PDE11A: variants seen among roughly 807,000 people sequenced by gnomAD.
PDE11A encodes the protein phosphodiesterase 11A.
A neutral mutation model predicts 100.5 loss-of-function variants in PDE11A; 100 were observed. The ratio of observed to expected loss-of-function variants is 1.00; its 90% CI spans 0.85 to 1.18. The LOEUF (loss-of-function observed/expected upper bound fraction) is 1.18, where lower values mean the gene tolerates loss of function less well. Ranked by LOEUF, PDE11A falls within the 50% of genes most tolerant of loss-of-function variation. PDE11A has a pLI of 0.00. For missense variants in PDE11A, 1,141 were observed against 1,152.6 expected (o/e 0.99, Z 0.15); for synonymous variants, 381 against 420.8 (o/e 0.91, Z 1.16).
chr2:177,695,577 T>C (rs1253618510), intron 15 of PDE11A, among the ~76,000 whole-genome samples: 1 of 152,184 alleles, frequency 6.6e-6, no homozygotes, highest in Non-Finnish European at 1.5e-5. Context: ...ATCCAGAGAC[T>C]GGTTCCACTT....
In PDE11A at chr2:177,929,790, C is replaced by T. The variant is rs558117209; in HGVS notation, c.1072-24603G>A. Among the ~76,000 whole-genome samples, 10 of 152,298 alleles carry T rather than the reference C, an allele frequency of 6.6e-5. No individual in the cohort carries two copies. In the South Asian group the frequency reaches 2.1e-3, roughly 32 times the overall value. On this transcript the variant is annotated intron_variant, in intron 2 of 19. Transcript: ENST00000286063. Reference sequence around the variant, plus strand: ...CAAGCTCACAGCACAGAAATCATAGCCCACCATGTTGCTTTTCTTTCAGTC... The same window carrying T: ...CAAGCTCACAGCACAGAAATCATAGTCCACCATGTTGCTTTTCTTTCAGTC...
intron 7 of PDE11A, among the ~76,000 whole-genome samples, chr2:177,819,775 G>A (rs1421334999): frequency 6.6e-6 from 1 of 151,896 alleles, no homozygotes; most frequent in Admixed American, 6.6e-5. Context: ...AAGAAAGTCT[G>A]CACTAGGAGT....
At chr2:178,005,109 T>G (rs531638929) in intron 2 of PDE11A, among the ~76,000 whole-genome samples, 3 of 149,530 alleles carry the variant, frequency 2.0e-5, no homozygotes, top group South Asian at 2.2e-4. Flanking sequence ...CTGAGTTGAG[T>G]CCCCTTTACT....
At position 178,104,336 on chromosome 2, in the gene PDE11A, T is replaced by C. The variant is rs551531815; in HGVS notation, c.128A>G (p.Gln43Arg). Residue 43 changes from glutamine to arginine, a missense_variant, in exon 2 of 21, where the codon CAG (glutamine) becomes CGG (arginine). Coordinates refer to the PDE11A transcript ENST00000358450. ...TGTTTGCCTCTGTATAAGAAAATCC[T>C]GGTGCTTTTCCTGTTTTTCAGCCAA... 1.7e-5 allele frequency: 27 copies of C among 1,614,166 alleles called. No individual in the cohort carries two copies. The East Asian group carries it at 5.8e-4, about 35-fold the overall frequency.
intron 19 of PDE11A, among the ~76,000 whole-genome samples, chr2:177,653,973 C>T (rs1559127724): frequency 6.6e-6 from 1 of 152,176 alleles, no homozygotes; most frequent in Non-Finnish European, 1.5e-5. Context: ...GAGATTACTT[C>T]CTTCTTAGCT....
chr2:177,777,681 A>C (rs2082397127), intron 9 of PDE11A, among the ~76,000 whole-genome samples: 1 of 152,244 alleles, frequency 6.6e-6, no homozygotes, highest in Non-Finnish European at 1.5e-5. Context: ...TTTTGAAGAA[A>C]GAGGCATTTG....
intron 19 of PDE11A, among the ~76,000 whole-genome samples, chr2:177,641,670 C>T (rs1318052718): frequency 6.6e-6 from 1 of 152,128 alleles, no homozygotes; most frequent in Non-Finnish European, 1.5e-5. Context: ...AGAAGGCTTC[C>T]AGCAGTTTTT....
intron 2 of PDE11A, among the ~76,000 whole-genome samples, chr2:177,932,152 G>A (rs895527095): frequency 6.6e-6 from 1 of 152,056 alleles, no homozygotes; most frequent in African/African-American, 2.4e-5. Flanking sequence ...ATCAATATCT[G>A]AGATAGAATC....
At chr2:177,957,960 G>A (rs986768382) in intron 2 of PDE11A, among the ~76,000 whole-genome samples, 1 of 128,248 alleles carries the variant, frequency 7.8e-6, no homozygotes, top group Admixed American at 8.6e-5. Context: ...GAGTGCAGTG[G>A]CGCAATCTTG....
intron 10 of PDE11A, among the ~76,000 whole-genome samples, chr2:177,753,290 T>A (rs900236405): frequency 1.3e-5 from 2 of 152,204 alleles, no homozygotes; most frequent in Non-Finnish European, 2.9e-5. Context: ...TTTTATGACA[T>A]GTTCTTTTCA....
At chr2:178,106,104 T>C (rs1432631892) in intron 1 of PDE11A, among the ~76,000 whole-genome samples, 2 of 152,240 alleles carry the variant, frequency 1.3e-5, no homozygotes, top group East Asian at 3.8e-4. Context: ...TGAAGAAACC[T>C]ATTGTTTAAC....
intron 4 of PDE11A, among the ~76,000 whole-genome samples, chr2:177,889,778 T>C (rs575194594): frequency 4.6e-5 from 7 of 152,242 alleles, no homozygotes; most frequent in African/African-American, 1.7e-4. Context: ...ATTTATTCCT[T>C]AAGCTTTTGT....
intron 1 of PDE11A, among the ~76,000 whole-genome samples, chr2:178,024,322 G>A (rs897363029): frequency 6.6e-6 from 1 of 152,180 alleles, no homozygotes; most frequent in African/African-American, 2.4e-5. Context: ...CGAGGCAGGA[G>A]AATTGCTTGG....
intron 9 of PDE11A, among the ~76,000 whole-genome samples, chr2:177,780,915 C>A (rs370821967): frequency 6.0e-4 from 91 of 152,316 alleles, no homozygotes; most frequent in African/African-American, 2.0e-3. Context: ...GTTTCACTTT[C>A]TTATTATTCA....
chr2:177,921,471 CAAAAA>C (rs370144102), intron 2 of PDE11A, among the ~76,000 whole-genome samples: 6 of 98,448 alleles, frequency 6.1e-5, no homozygotes, highest in Non-Finnish European at 1.3e-4. Context: ...CATCTAAAAG[CAAAAA>C]AAAAAAAAGA....
At chr2:177,768,293 T>C (rs1370182744) in intron 10 of PDE11A, among the ~76,000 whole-genome samples, 1 of 152,190 alleles carries the variant, frequency 6.6e-6, no homozygotes, top group Non-Finnish European at 1.5e-5. Flanking sequence ...AACATCTTCC[T>C]TTGCTCCCTT....
intron 2 of PDE11A, among the ~76,000 whole-genome samples, chr2:177,961,412 C>G (rs1002086405): frequency 1.3e-5 from 2 of 152,146 alleles, no homozygotes; most frequent in Admixed American, 6.5e-5. Flanking sequence ...TGGCAACATG[C>G]CTTGTTACAA....
Position 177,623,354 on chromosome 2 carries a change from G to A in PDE11A, c.*6053C>T, listed in dbSNP as rs1323688131. 2 of 152,196 alleles carry A rather than the reference G, an allele frequency of 1.3e-5. No individual in the cohort carries two copies. The highest frequency in any genetic ancestry group is 1.3e-4 in the Admixed American group (2 of 15,284). 9.4% of individuals were successfully genotyped at this position (152,196 alleles called of 1,614,324 possible). A position where few individuals can be genotyped will look rare whatever the true frequency, so the allele number is the denominator to read the frequency against. Reference sequence around the variant, plus strand: ...GTGAAATGGCCAACCTGTCTATAATGTAATATTCTTACAATGAAACATCAG... The same window carrying A: ...GTGAAATGGCCAACCTGTCTATAATATAATATTCTTACAATGAAACATCAG... On this transcript the variant is annotated 3_prime_UTR_variant, in exon 20 of 20. Transcript: ENST00000286063.
Position 177,875,909 on chromosome 2 carries a change from G to C in PDE11A, c.1317C>G (p.Thr439=), listed in dbSNP as rs1254195545. ...TTGGGGACATCAATTCAAAGGATTT[G>C]GTAAATTTCACCACCTGTCGCATAG... ...EDIESPVVKF[T]KSFELMSPKC... is the part of the protein sequence containing the mutation. Residue 439 remains threonine (T), a synonymous_variant, in exon 5 of 20, where the codon ACC becomes ACG. Transcript: ENST00000286063. 6.2e-7 allele frequency: 1 copy of C among 1,609,440 alleles called. No homozygotes were observed. The highest frequency in any genetic ancestry group is 8.5e-7 in the Non-Finnish European group (1 of 1,175,888).
Sources: gnomAD v4.1 joint callset for allele counts (sites outside exome capture counted in the v4.1 genomes callset) on GRCh38, gnomAD v4.1.1 for gene constraint, MANE v1.5 for transcripts, NCBI Gene and HGNC (gene_info 2026-07-23, HGNC 2026-07-21) for gene names.